POLR3B: variants seen among roughly 807,000 people sequenced by gnomAD.
POLR3B encodes the protein RNA polymerase III subunit B.
Under a neutral mutation model 147.4 loss-of-function variants are expected in POLR3B, and 96 were observed. That is an observed-to-expected ratio of 0.65 (90% CI 0.55 to 0.77). The LOEUF (loss-of-function observed/expected upper bound fraction) is 0.77, where lower values mean the gene tolerates loss of function less well. Among genes scored for constraint, POLR3B ranks in the 30% least tolerant of loss-of-function variants. The probability of loss-of-function intolerance (pLI) is 0.00; values close to 1 mark genes in which losing one functional copy is unlikely to be tolerated. For synonymous variants in POLR3B, 461 were observed against 485.9 expected (o/e 0.95, Z 0.67); for missense variants, 1,036 against 1,413.5 (o/e 0.73, Z 4.28).
Position 106,431,750 on chromosome 12 carries a change from C to CT in POLR3B, c.1465-562dup, listed in dbSNP as rs2037513976. Among the ~76,000 whole-genome samples the CT allele has an allele frequency of 2.6e-5, 4 of 152,110 alleles. 1 individual carries two copies. The South Asian group carries it at 6.2e-4, about 24-fold the overall frequency. On this transcript the variant is annotated intron_variant, in intron 14 of 27. Transcript: ENST00000228347. ...ATTTTGCCAGTTGTCCCACTGTTGTCTTTTTTCTGATCCAGAATCACACAT... is the reference window on the plus strand; with the variant it reads ...ATTTTGCCAGTTGTCCCACTGTTGTCTTTTTTTCTGATCCAGAATCACACAT...
intron 20 of POLR3B, among the ~76,000 whole-genome samples, chr12:106,456,136 A>G (rs1198039883): frequency 6.6e-6 from 1 of 152,186 alleles, no homozygotes; most frequent in African/African-American, 2.4e-5. Flanking sequence ...TCCAGTTTAA[A>G]ATAACTGCTT....
intron 22 of POLR3B, among the ~76,000 whole-genome samples, chr12:106,460,366 A>C (rs2037917789): frequency 6.6e-6 from 1 of 152,210 alleles, no homozygotes; most frequent in Non-Finnish European, 1.5e-5. Context: ...ATGTTCTCTT[A>C]GTGGCTCATT....
At chr12:106,449,346 T>G (rs1200692536) in intron 19 of POLR3B, among the ~76,000 whole-genome samples, 1 of 152,150 alleles carries the variant, frequency 6.6e-6, no homozygotes, top group Non-Finnish European at 1.5e-5. Context: ...TTTTGGACTT[T>G]GGATTTTTGA....
At position 106,453,303 on chromosome 12, in the gene POLR3B, C is replaced by T. The variant is rs181659622; in HGVS notation, c.2084-1199C>T. Among the ~76,000 whole-genome samples, 455 of 152,168 alleles carry T rather than the reference C, an allele frequency of 3.0e-3. 1 individual carries two copies. Among genetic ancestry groups the T allele is most frequent in the African/African-American group, 0.01 (425 of 41,504 alleles). On this transcript the variant is annotated intron_variant, in intron 19 of 27. Coordinates refer to ENST00000228347, the MANE Select transcript of POLR3B (RefSeq NM_018082.6). ...CTGGGATTACAGGCATGAGCTACCA[C>T]GCCCAGCCTGAATAGCTTATTTTCA...
chr12:106,384,830 C>CTTTT (rs576719116), intron 9 of POLR3B, among the ~76,000 whole-genome samples: 3 of 140,744 alleles, frequency 2.1e-5, no homozygotes, highest in African/African-American at 7.8e-5. Flanking sequence ...TATTAAATGT[C>CTTTT]TTTTTTTTTT....
intron 23 of POLR3B, among the ~76,000 whole-genome samples, chr12:106,464,150 G>A (rs940542499): frequency 3.9e-5 from 6 of 152,084 alleles, no homozygotes; most frequent in South Asian, 2.1e-4. Context: ...ACCCCAGGGC[G>A]GTGCTTTGTG....
At chr12:106,385,974 G>T (rs561578412) in intron 9 of POLR3B, among the ~76,000 whole-genome samples, 1 of 152,232 alleles carries the variant, frequency 6.6e-6, no homozygotes, top group African/African-American at 2.4e-5. Context: ...AAGCACAAAA[G>T]TAATTTTGAC....
intron 12 of POLR3B, among the ~76,000 whole-genome samples, chr12:106,421,946 C>T (rs1022070792): frequency 6.6e-6 from 1 of 152,106 alleles, no homozygotes; most frequent in Non-Finnish European, 1.5e-5. Context: ...GTGATCCACC[C>T]GTCTCAGCCT....
chr12:106,376,610 A>G (rs537612332), intron 7 of POLR3B, among the ~76,000 whole-genome samples, 160 bp downstream of exon 7: 1 of 143,832 alleles, frequency 7.0e-6, no homozygotes, highest in South Asian at 2.2e-4. Flanking sequence ...TTATGCTACT[A>G]GTCTGTATTT....
At position 106,421,464 on chromosome 12, in the gene POLR3B, A is replaced by G. The variant is rs554959992; in HGVS notation, c.1102-5733A>G. Among the ~76,000 whole-genome samples the G allele has an allele frequency of 1.2e-4, 19 of 152,284 alleles. 1 individual carries two copies. The South Asian group carries it at 3.7e-3, about 30-fold the overall frequency. On this transcript the variant is annotated intron_variant, in intron 12 of 27. Transcript: ENST00000228347. ...AAACTTTTAAGTTTTTGTCTAATAG[A>G]TGCAAAATGGCATCTCCTTGTGGTC...
rs2036408241 is a variant in POLR3B at position 106,357,904 on chromosome 12, G to C, written c.25G>C (p.Gly9Arg). 4 of 1,613,544 alleles carry C rather than the reference G, an allele frequency of 2.5e-6. No homozygotes were observed. Among genetic ancestry groups the C allele is most frequent in the Middle Eastern group, 1.7e-4 (1 of 5,724 alleles). MDVLAEEF[G>R]NLTPEQLAAP... ...CATGGACGTGCTAGCGGAGGAGTTT[G>C]GGAACCTGACTCCGGAGCAGCTGGC... Residue 9 changes from glycine (G) to arginine (R), a missense_variant, in exon 1 of 28, where the codon GGG becomes CGG. Gly to Arg is a moderately radical substitution (Grantham distance 125). This residue lies in a region of POLR3B where 150 missense variants were observed against 145.5 expected (regional missense o/e 1.03). Transcript: ENST00000228347.
Position 106,459,238 on chromosome 12 carries a change from C to CT in POLR3B, c.2453-6dup. 1.4e-6 allele frequency: 2 copies of CT among 1,425,224 alleles called. No individual in the cohort carries two copies. Among genetic ancestry groups the CT allele is most frequent in the Non-Finnish European group, 2.0e-6 (2 of 1,008,276 alleles). 88.3% of individuals were successfully genotyped at this position (1,425,224 alleles called of 1,614,324 possible). A position where few individuals can be genotyped will look rare whatever the true frequency, so the allele number is the denominator to read the frequency against. ...TGATAACGATGTGCCTAACACTTTT[C>CT]TTTTTTTCTCAGGTGAGAAAGTAGA... On this transcript the variant is annotated splice_polypyrimidine_tract_variant and intron_variant, in intron 21 of 27. Coordinates refer to ENST00000228347, the MANE Select transcript of POLR3B (RefSeq NM_018082.6).
chr12:106,484,525 G>A (rs546432043), intron 23 of POLR3B, among the ~76,000 whole-genome samples: 43 of 152,210 alleles, frequency 2.8e-4, no homozygotes, highest in African/African-American at 4.1e-4. Flanking sequence ...AGTAGGCTGA[G>A]GCAGGAGGAT....
At chr12:106,397,024 G>A (rs1321800968) in intron 10 of POLR3B, among the ~76,000 whole-genome samples, 2 of 151,688 alleles carry the variant, frequency 1.3e-5, no homozygotes, top group Admixed American at 1.3e-4. Context: ...GGGAGGCTGA[G>A]TGAGGTGGGA....
chr12:106,393,491 T>TTTTGTG (rs957499978), intron 10 of POLR3B, among the ~76,000 whole-genome samples: 4 of 141,380 alleles, frequency 2.8e-5, no homozygotes, highest in African/African-American at 1.1e-4. Context: ...TGTACAGGTT[T>TTTTGTG]TGTGTGTGTG....
At chr12:106,470,715 T>G (rs2038078726) in intron 23 of POLR3B, among the ~76,000 whole-genome samples, 1 of 152,152 alleles carries the variant, frequency 6.6e-6, no homozygotes, top group Admixed American at 6.5e-5. Context: ...GACAGGCCTG[T>G]CAGCTGCAGG....
intron 20 of POLR3B, among the ~76,000 whole-genome samples, chr12:106,456,087 G>A (rs2037860218): frequency 6.6e-6 from 1 of 152,118 alleles, no homozygotes; most frequent in Admixed American, 6.6e-5. Flanking sequence ...AGTGAACTCT[G>A]GCATGGCTCA....
chr12:106,502,047 A>G (rs911478313), intron 26 of POLR3B, among the ~76,000 whole-genome samples: 9 of 152,212 alleles, frequency 5.9e-5, no homozygotes, highest in South Asian at 2.1e-4. Flanking sequence ...TCTTAGTGCT[A>G]CTTTTTCCAG....
chr12:106,384,987 A>G (rs11611252), intron 9 of POLR3B, among the ~76,000 whole-genome samples: 57,919 of 151,830 alleles, frequency 0.38, 12,821 homozygotes, highest in African/African-American at 0.61. Context: ...CACCACGCCC[A>G]GCTAATTTTT....
Sources: gnomAD v4.1 joint callset for allele counts (sites outside exome capture counted in the v4.1 genomes callset) on GRCh38, gnomAD v4.1.1 for gene constraint, gnomAD v4.1.1 regional missense constraint, MANE v1.5 for transcripts, NCBI Gene and HGNC (gene_info 2026-07-23, HGNC 2026-07-21) for gene names.